Variants in TAF1B observed in about 807,000 individuals in gnomAD.
The protein encoded by TAF1B is TATA-box binding protein associated factor, RNA polymerase I subunit B.
Under a neutral mutation model 83.9 loss-of-function variants are expected in TAF1B, and 61 were observed. The observed-to-expected ratio is 0.73, with a 90% CI of 0.59 to 0.90. The LOEUF (loss-of-function observed/expected upper bound fraction) is 0.90, where lower values mean the gene tolerates loss of function less well. TAF1B is among the 40% of genes least tolerant of loss of function. The pLI is 0.00. For synonymous variants in TAF1B, 221 were observed against 224.6 expected (o/e 0.98, Z 0.14); for missense variants, 625 against 677.0 (o/e 0.92, Z 0.85).
chr2:9,929,163 G>T (rs1558273365), intron 14 of TAF1B, among the ~76,000 whole-genome samples: 1 of 151,904 alleles, frequency 6.6e-6, no homozygotes, highest in Non-Finnish European at 1.5e-5. Context: ...TGTTGTTGTT[G>T]TTGTTGTTGT....
intron 5 of TAF1B, among the ~76,000 whole-genome samples, chr2:9,860,830 A>G (rs1663728613): frequency 6.6e-6 from 1 of 152,204 alleles, no homozygotes; most frequent in African/African-American, 2.4e-5. Flanking sequence ...TTGGAATGGA[A>G]TATAAGGTAG....
At chr2:9,861,268 C>T (rs191104427) in intron 5 of TAF1B, among the ~76,000 whole-genome samples, 68 of 152,348 alleles carry the variant, frequency 4.5e-4, no homozygotes, top group African/African-American at 1.6e-3. Flanking sequence ...GCTTTTCGAA[C>T]GGGCTTAACA....
intron 12 of TAF1B, among the ~76,000 whole-genome samples, chr2:9,916,258 G>A (rs966623886): frequency 6.6e-6 from 1 of 152,162 alleles, no homozygotes; most frequent in African/African-American, 2.4e-5. Flanking sequence ...AGACAGACAA[G>A]AGAGAAATAT....
intron 5 of TAF1B, among the ~76,000 whole-genome samples, chr2:9,861,012 C>T (rs1376969088): frequency 6.6e-6 from 1 of 152,210 alleles, no homozygotes; most frequent in East Asian, 1.9e-4. Flanking sequence ...CTACAGCTCC[C>T]AGCATGAGCA....
At chr2:9,923,190 A>G (rs924111888) in intron 14 of TAF1B, among the ~76,000 whole-genome samples, 2 of 151,034 alleles carry the variant, frequency 1.3e-5, no homozygotes, top group African/African-American at 4.9e-5. Context: ...GTGAGCTGAG[A>G]GCACACCACT....
intron 7 of TAF1B, among the ~76,000 whole-genome samples, chr2:9,880,147 C>T (rs1249001694): frequency 2.0e-5 from 3 of 152,198 alleles, no homozygotes; most frequent in African/African-American, 7.2e-5. Context: ...CAGGTAGACA[C>T]GACTTAATTC....
intron 14 of TAF1B, among the ~76,000 whole-genome samples, chr2:9,922,355 A>G (rs1233648380): frequency 2.0e-5 from 3 of 151,842 alleles, no homozygotes; most frequent in Admixed American, 2.0e-4. Context: ...CTGTCACCCT[A>G]TGTTCAGAGT....
chr2:9,885,683 A>C (rs1295366584), intron 8 of TAF1B, among the ~76,000 whole-genome samples: 1 of 152,120 alleles, frequency 6.6e-6, no homozygotes, highest in Non-Finnish European at 1.5e-5. Context: ...ATTAGCTATC[A>C]GCTTTGTCTT....
chr2:9,867,209 T>C (rs532224277), intron 5 of TAF1B, among the ~76,000 whole-genome samples: 2 of 152,340 alleles, frequency 1.3e-5, no homozygotes, highest in South Asian at 2.1e-4. Flanking sequence ...TGAACAGATA[T>C]CTTTGAGTGT....
intron 8 of TAF1B, among the ~76,000 whole-genome samples, chr2:9,890,298 T>C (rs2125160413): frequency 6.6e-6 from 1 of 152,348 alleles, no homozygotes; most frequent in East Asian, 1.9e-4. Context: ...AGTTCTCTGT[T>C]GGATACGGTG....
chr2:9,916,837 C>CTTTTTTTTTTTTTTTTTTTTTTTTTTTTT (rs371475463), intron 12 of TAF1B, among the ~76,000 whole-genome samples: 2 of 95,720 alleles, frequency 2.1e-5, no homozygotes, highest in Admixed American at 1.3e-4. Context: ...CCTTTCTGTT[C>CTTTTTTTTTTTTTTTTTTTTTTTTTTTTT]TTTTTTTTTT....
intron 1 of TAF1B, 87 bp downstream of exon 1, chr2:9,843,646 T>C (rs1432694789): frequency 5.1e-6 from 7 of 1,362,326 alleles, no homozygotes; most frequent in South Asian, 3.1e-5. Context: ...ACGCCGCGGG[T>C]TGGGGCGGCG....
intron 14 of TAF1B, among the ~76,000 whole-genome samples, chr2:9,930,092 G>A (rs766807739): frequency 6.6e-5 from 10 of 151,780 alleles, no homozygotes; most frequent in African/African-American, 1.7e-4. Context: ...TCTTGCTAGC[G>A]GTCTATCAAT....
At chr2:9,844,679 A>G (rs1030090512) in intron 1 of TAF1B, among the ~76,000 whole-genome samples, 3 of 152,190 alleles carry the variant, frequency 2.0e-5, no homozygotes, top group Non-Finnish European at 4.4e-5. Flanking sequence ...ACCATTAGCT[A>G]GCGTATACCC....
intron 8 of TAF1B, among the ~76,000 whole-genome samples, chr2:9,896,742 A>G (rs1314389495): frequency 1.3e-5 from 2 of 152,138 alleles, no homozygotes; most frequent in East Asian, 1.9e-4. Context: ...AATAACAACA[A>G]ATCTGGCAAA....
chr2:9,904,811 A>AT (rs778433645), intron 8 of TAF1B, 48 bp from the exon 9 acceptor site: 6 of 1,545,118 alleles, frequency 3.9e-6, no homozygotes, highest in African/African-American at 1.4e-5. Flanking sequence ...TTTAAAAATA[A>AT]GTTTTGTTGC....
intron 5 of TAF1B, among the ~76,000 whole-genome samples, chr2:9,867,154 G>C (rs1664008045): frequency 6.6e-6 from 1 of 152,198 alleles, no homozygotes; most frequent in Non-Finnish European, 1.5e-5. Flanking sequence ...TGATGCAGGA[G>C]AGAAGAAAAA....
chr2:9,869,904 AATATAAAACTATAAAATGCAG>A (rs1664112865), intron 6 of TAF1B, among the ~76,000 whole-genome samples: 1 of 152,126 alleles, frequency 6.6e-6, no homozygotes, highest in Non-Finnish European at 1.5e-5. Context: ...AGTGAAACTC[AATATAAAACTATAAAATGCAG>A]ATAGTCACGA....
At chr2:9,874,869 A>T (rs1203908088) in intron 6 of TAF1B, among the ~76,000 whole-genome samples, 2 of 152,142 alleles carry the variant, frequency 1.3e-5, no homozygotes, top group African/African-American at 4.8e-5. Context: ...AAGCAGTTAC[A>T]CATCTTTTGT....
Sources: allele counts gnomAD v4.1 joint callset (sites outside exome capture counted in the v4.1 genomes callset), GRCh38; gene constraint gnomAD v4.1.1; transcripts MANE v1.5; gene names NCBI Gene and HGNC (gene_info 2026-07-23, HGNC 2026-07-21).